SLC38A10: variants seen among roughly 807,000 people sequenced by gnomAD.
SLC38A10 encodes solute carrier family 38 member 10, also known as Sodium-coupled neutral amino acid transporter 10.
A neutral mutation model predicts 81.0 loss-of-function variants in SLC38A10; 53 were observed. The observed-to-expected ratio is 0.65, with a 90% CI of 0.53 to 0.82. SLC38A10 has a LOEUF of 0.82. SLC38A10 is among the 40% of genes least tolerant of loss of function. The pLI, the probability that SLC38A10 is intolerant of heterozygous loss-of-function variation, is 0.00. For synonymous variants in SLC38A10, 665 were observed against 655.3 expected (o/e 1.01, Z -0.23); for missense variants, 1,471 against 1,545.0 (o/e 0.95, Z 0.80).
In SLC38A10 at chr17:81,282,337, G is replaced by A. The variant is rs369523431; in HGVS notation, c.358-5C>T. On this transcript the variant is annotated splice_polypyrimidine_tract_variant and splice_region_variant and intron_variant, in intron 4 of 15. Coordinates refer to ENST00000374759, the MANE Select transcript of SLC38A10 (RefSeq NM_001037984.3). Reference sequence around the variant, plus strand: ...CATGCGGAAGGTGCCGCCCACCTGCGGGGAGCCGGCAGGGGGTCTTGGCCA... The same window carrying A: ...CATGCGGAAGGTGCCGCCCACCTGCAGGGAGCCGGCAGGGGGTCTTGGCCA... The A allele has an allele frequency of 3.9e-5, 63 of 1,605,608 alleles. No homozygotes were observed. The Middle Eastern group carries it at 6.6e-4, about 17-fold the overall frequency.
Position 81,270,126 on chromosome 17 carries a change from G to A in SLC38A10, c.1131+792C>T, listed in dbSNP as rs1048341335. ...TCCCGCCAGAGAGGCCAAGAATGAT[G>A]AAGCCTGGAAGGTCCTGGGTGCAGG... On this transcript the variant is annotated intron_variant, in intron 10 of 15. Transcript: ENST00000374759. The surrounding 1 kb of genome is among the most constrained non-coding windows in gnomAD (Gnocchi z 4.0). 6.6e-6 allele frequency among the ~76,000 whole-genome samples: 1 copy of A among 152,202 alleles called. No homozygotes were observed. The highest frequency in any genetic ancestry group is 2.4e-5 in the African/African-American group (1 of 41,456).
At chr17:81,290,015 C>T (rs1255487864) in intron 1 of SLC38A10, among the ~76,000 whole-genome samples, 19 of 152,182 alleles carry the variant, frequency 1.2e-4, no homozygotes, top group Admixed American at 9.8e-4. Flanking sequence ...AAGCTGTATG[C>T]GCAGAGCACA....
At chr17:81,284,979 G>A (rs2063250384) in intron 2 of SLC38A10, 84 bp from the exon 3 acceptor site, 2 of 1,311,316 alleles carry the variant, frequency 1.5e-6, no homozygotes, top group African/African-American at 1.5e-5. Flanking sequence ...GCTGTCAAGG[G>A]CGATTTCACA....
chr17:81,278,068 A>G (rs1343137861), intron 6 of SLC38A10, among the ~76,000 whole-genome samples: 1 of 106,928 alleles, frequency 9.4e-6, no homozygotes, highest in East Asian at 2.0e-4. Flanking sequence ...AGCAGCCAGT[A>G]AATGGACCAG....
At position 81,289,557 on chromosome 17, in the gene SLC38A10, T is replaced by C. The variant is rs1488059665; in HGVS notation, c.217+134A>G. The C allele has an allele frequency of 1.5e-6, 1 of 653,260 alleles. No homozygotes were observed. Among genetic ancestry groups the C allele is most frequent in the African/African-American group, 1.9e-5 (1 of 53,232 alleles). 40.5% of individuals were successfully genotyped at this position (653,260 alleles called of 1,614,324 possible). A position where few individuals can be genotyped will look rare whatever the true frequency, so the allele number is the denominator to read the frequency against. On this transcript the variant is annotated intron_variant, in intron 2 of 15. Coordinates refer to ENST00000374759, the MANE Select transcript of SLC38A10 (RefSeq NM_001037984.3). This position sits in a 1 kb window ranked among gnomAD's most constrained non-coding sequence, Gnocchi z 5.9. ...CACCCGGCTCATTTTTTTGCAGCATTACATTTTAAAATAAAAAAAACCCTG... is the reference window on the plus strand; with the variant it reads ...CACCCGGCTCATTTTTTTGCAGCATCACATTTTAAAATAAAAAAAACCCTG...
At chr17:81,280,360 A>G (rs1039566541) in intron 6 of SLC38A10, among the ~76,000 whole-genome samples, 6 of 152,136 alleles carry the variant, frequency 3.9e-5, no homozygotes, top group African/African-American at 1.4e-4. Context: ...GCTTGTGGGG[A>G]TCTGGCAAAC....
intron 1 of SLC38A10, among the ~76,000 whole-genome samples, chr17:81,293,374 C>T (rs1045624602): frequency 1.3e-5 from 2 of 152,250 alleles, no homozygotes; most frequent in Non-Finnish European, 2.9e-5. Context: ...GTAGCCCTGT[C>T]TTCCCCTGAC....
At position 81,260,278 on chromosome 17, in the gene SLC38A10, C is replaced by T. The variant is rs1049142673; in HGVS notation, c.1248G>A (p.Glu416=). Residue 416 remains glutamate, a synonymous_variant, in exon 11 of 16, where the codon GAG becomes GAA. Coordinates refer to ENST00000374759, the MANE Select transcript of SLC38A10 (RefSeq NM_001037984.3). ...CCTCCACCTTCATCAAACCCTCGGC[C>T]TCTCCAAGCCGGCCGCCAGGGGCTT... ...AEEAPGGRLG[E]AEGLMKVEAA... The T allele has an allele frequency of 9.3e-6, 15 of 1,606,018 alleles. No homozygotes were observed. The highest frequency in any genetic ancestry group is 1.7e-5 in the Admixed American group (1 of 58,810).
At position 81,253,153 on chromosome 17, in the gene SLC38A10, A is replaced by T; in HGVS notation, c.1376T>A (p.Ile459Asn). 1 of 1,613,876 alleles carries T rather than the reference A, an allele frequency of 6.2e-7. No individual in the cohort carries two copies. The highest frequency in any genetic ancestry group is 8.5e-7 in the Non-Finnish European group (1 of 1,180,006). The change falls in exon 12 of 16, where the codon ATC becomes AAC. Residue 459 changes from isoleucine to asparagine, a missense_variant. Transcript: ENST00000374759. This position sits in a 1 kb window ranked among gnomAD's most constrained non-coding sequence, Gnocchi z 4.1. ...KEREELEQAQ[I>N]KGPVDVPGRE... is the part of the protein sequence containing the mutation. The stretch of plus-strand genomic sequence containing the variant: ...TCCAGGCACATCCACGGGCCCCTTG[A>T]TCTGGGCCTGCTCCAGCTCCTCTCT...
rs150100249 is a variant in SLC38A10, at chr17:81,276,680, G to A, written c.729+351C>T. Among the ~76,000 whole-genome samples the A allele has an allele frequency of 2.0e-4, 31 of 152,206 alleles. No individual in the cohort carries two copies. Among genetic ancestry groups the A allele is most frequent in the Admixed American group, 7.2e-4 (11 of 15,286 alleles). ...GCTGGGATTACAGGTGTGAGCAACGGCGCCCGGCCGGAACATGCCCATTTC... is the reference window on the plus strand; with the variant it reads ...GCTGGGATTACAGGTGTGAGCAACGACGCCCGGCCGGAACATGCCCATTTC... On this transcript the variant is annotated intron_variant, in intron 7 of 15. Transcript: ENST00000374759. This position sits in a 1 kb window ranked among gnomAD's most constrained non-coding sequence, Gnocchi z 4.7.
Position 81,252,170 on chromosome 17 carries a change from G to T in SLC38A10, c.1945+25C>A. On this transcript the variant is annotated intron_variant, in intron 13 of 15. Coordinates refer to ENST00000374759, the MANE Select transcript of SLC38A10 (RefSeq NM_001037984.3). ...CCAGCCCAAGAGGGGAGTGTCTTCC[G>T]ACACGAGCCCAGGCTGACACCCACC... The T allele has an allele frequency of 6.7e-7, 1 of 1,493,942 alleles. No individual in the cohort carries two copies. The allele number at this position is 1,493,942 out of a possible 1,614,324, so 92.5% of individuals were successfully genotyped here. A position where few individuals can be genotyped will look rare whatever the true frequency, so the allele number is the denominator to read the frequency against.
At position 81,245,201 on chromosome 17, in the gene SLC38A10, C is replaced by T. The variant is rs1159751237; in HGVS notation, c.*355G>A. On this transcript the variant is annotated 3_prime_UTR_variant, in exon 16 of 16. Coordinates refer to ENST00000374759, the MANE Select transcript of SLC38A10 (RefSeq NM_001037984.3). ...TCAACCCGAAGACCACGCGTGCTCC[C>T]TGGCAGGAGCAGGAGGCCTGACCAC... 1 of 258,246 alleles carries T rather than the reference C, an allele frequency of 3.9e-6. No homozygotes were observed. Among genetic ancestry groups the T allele is most frequent in the South Asian group, 9.0e-5 (1 of 11,054 alleles). The allele number at this position is 258,246 out of a possible 1,614,324, so 16.0% of individuals were successfully genotyped here. A position where few individuals can be genotyped will look rare whatever the true frequency, so the allele number is the denominator to read the frequency against.
At position 81,283,222 on chromosome 17, in the gene SLC38A10, G is replaced by A. The variant is rs565187846; in HGVS notation, c.357+187C>T. Among the ~76,000 whole-genome samples the A allele has an allele frequency of 4.6e-5, 7 of 151,864 alleles. No individual in the cohort carries two copies. Among genetic ancestry groups the A allele is most frequent in the South Asian group, 2.1e-4 (1 of 4,802 alleles). ...CAGACTCTGCCTGGCTTGCTTCCTC[G>A]CGTGTACCTCTCACAGACGTGACCC... On this transcript the variant is annotated intron_variant, in intron 4 of 15. Coordinates refer to ENST00000374759, the MANE Select transcript of SLC38A10 (RefSeq NM_001037984.3). This position sits in a 1 kb window ranked among gnomAD's most constrained non-coding sequence, Gnocchi z 4.7.
At position 81,245,151 on chromosome 17, in the gene SLC38A10, T is replaced by G. The variant is rs1205600445; in HGVS notation, c.*405A>C. ...CCTGTGTTGGGACCATGAGCAGCCA[T>G]GCGCACCTCCACGCACGGCCGAGCT... On this transcript the variant is annotated 3_prime_UTR_variant, in exon 16 of 16. Transcript: ENST00000374759. 2 of 200,266 alleles carry G rather than the reference T, an allele frequency of 1.0e-5. No homozygotes were observed. The highest frequency in any genetic ancestry group is 4.6e-5 in the African/African-American group (2 of 43,116). 12.4% of individuals were successfully genotyped at this position (200,266 alleles called of 1,614,324 possible). A position where few individuals can be genotyped will look rare whatever the true frequency, so the allele number is the denominator to read the frequency against.
rs760168376 is a variant in SLC38A10, at chr17:81,276,022, T to G, written c.859A>C (p.Met287Leu). Residue 287 changes from methionine to leucine, a missense_variant, in exon 8 of 16, where the codon ATG (methionine) becomes CTG (leucine). Around this residue, in one of 2 missense-constraint regions of SLC38A10, gnomAD observed 720 missense variants for 827.7 expected, o/e 0.87. Transcript: ENST00000374759. This position sits in a 1 kb window ranked among gnomAD's most constrained non-coding sequence, Gnocchi z 4.7. ...GCCTGCCTGCATGGCAGGATCATCA[T>G]GGGGAAGCCCACAGCCACTGACATC... The part of the protein sequence containing the change: ...FMMSVAVGFP[M>L]MILPCRQALS... The G allele has an allele frequency of 3.7e-6, 6 of 1,613,740 alleles. No individual in the cohort carries two copies. Among genetic ancestry groups the G allele is most frequent in the Non-Finnish European group, 5.1e-6 (6 of 1,180,016 alleles).
rs945439787 is a variant in SLC38A10 at position 81,253,309 on chromosome 17, A to G, written c.1289-69T>C. The stretch of plus-strand genomic sequence containing the variant: ...CCAGGAGCGGGGCAGCTCTCCCTGG[A>G]CTGTTACCATATTTTCCAGCCAAAT... On this transcript the variant is annotated intron_variant, in intron 11 of 15. Transcript: ENST00000374759. The surrounding 1 kb of genome is among the most constrained non-coding windows in gnomAD (Gnocchi z 4.1). The G allele has an allele frequency of 4.5e-5, 69 of 1,545,144 alleles. 1 individual carries two copies. Among genetic ancestry groups the G allele is most frequent in the Non-Finnish European group, 1.4e-5 (16 of 1,140,712 alleles).
chr17:81,269,751 G>A (rs1453899382), intron 10 of SLC38A10, among the ~76,000 whole-genome samples: 2 of 152,098 alleles, frequency 1.3e-5, no homozygotes, highest in Non-Finnish European at 2.9e-5. Context: ...TTGGGAGGTG[G>A]AGGCGGGTGG....
Position 81,294,934 on chromosome 17 carries a change from A to AGGGGCCCGGGGCGAGAGGCCTC in SLC38A10, c.-35_-14dup. On this transcript the variant is annotated 5_prime_UTR_variant, in exon 1 of 16. Coordinates refer to ENST00000374759, the MANE Select transcript of SLC38A10 (RefSeq NM_001037984.3). Reference sequence around the variant, plus strand: ...CGGCCGCGGTCATAGTGAGAGGTCTAGGGGCCCGGGGCGAGAGGCCTCGGG... The same window carrying AGGGGCCCGGGGCGAGAGGCCTC: ...CGGCCGCGGTCATAGTGAGAGGTCTAGGGGCCCGGGGCGAGAGGCCTCGGGGCCCGGGGCGAGAGGCCTCGGG... The AGGGGCCCGGGGCGAGAGGCCTC allele has an allele frequency of 6.3e-7, 1 of 1,578,932 alleles. No homozygotes were observed. Among genetic ancestry groups the AGGGGCCCGGGGCGAGAGGCCTC allele is most frequent in the African/African-American group, 1.4e-5 (1 of 71,686 alleles).
At chr17:81,284,410 C>T (rs2063244589) in intron 3 of SLC38A10, among the ~76,000 whole-genome samples, 1 of 152,158 alleles carries the variant, frequency 6.6e-6, no homozygotes, top group Non-Finnish European at 1.5e-5. Context: ...GAACAATCAA[C>T]TGCTTTCAAA....
Sources: allele counts gnomAD v4.1 joint callset (sites outside exome capture counted in the v4.1 genomes callset), GRCh38; gene constraint gnomAD v4.1.1; regional missense constraint gnomAD v4.1.1; non-coding constraint Gnocchi (gnomAD v3.1); transcripts MANE v1.5; gene names NCBI Gene and HGNC (gene_info 2026-07-23, HGNC 2026-07-21).